Variants in SLC25A22 observed in about 807,000 individuals in gnomAD.
SLC25A22 encodes mitochondrial glutamate carrier 1.
SLC25A22 carries 23 observed loss-of-function variants against 33.7 expected under a neutral mutation model. The ratio of observed to expected loss-of-function variants is 0.68; its 90% CI spans 0.49 to 0.97. The LOEUF (loss-of-function observed/expected upper bound fraction) is 0.97. SLC25A22 is among the 50% of genes least tolerant of loss of function. The probability of loss-of-function intolerance (pLI) is 0.00; values close to 1 mark genes in which losing one functional copy is unlikely to be tolerated. For missense variants in SLC25A22, 390 were observed against 451.1 expected, an observed-to-expected ratio of 0.86 and a Z score of 1.23; for synonymous variants, 245 against 203.8, an observed-to-expected ratio of 1.20 and a Z score of -1.72.
intron 1 of SLC25A22, chr11:796,275 G>A (rs796452304): frequency 1.9e-4 from 29 of 151,856 alleles, no homozygotes; most frequent in African/African-American, 6.8e-4. Context: ...GGAGGCGAGG[G>A]GCCGCAGGGA....
chr11:795,410 C>T lies in SLC25A22; in HGVS notation c.-163-241G>A, dbSNP rs886152742. ...CAGCGTCTTCCCAGCCAGCCTCACA[C>T]GCCGCTCACGCTCGGGGCTCACGTG... On this transcript the variant is annotated intron_variant, in intron 1 of 9. Transcript: ENST00000628067. The T allele has an allele frequency of 4.4e-5, 16 of 361,078 alleles. 1 individual carries two copies. Among genetic ancestry groups the T allele is most frequent in the South Asian group, 1.1e-4 (5 of 46,772 alleles). The allele number at this position is 361,078 out of a possible 1,614,324, so 22.4% of individuals were successfully genotyped here. A position where few individuals can be genotyped will look rare whatever the true frequency, so the allele number is the denominator to read the frequency against.
rs774387008 is a variant in SLC25A22, at chr11:793,655, G to T, written c.203-36C>A. The stretch of plus-strand genomic sequence containing the variant: ...GGGGGTCAGCTGGGGGGACATGCTC[G>T]GTGGCCTGAGTGGGGAGGCGCTTGG... On this transcript the variant is annotated intron_variant, in intron 4 of 9. Coordinates refer to ENST00000628067, the MANE Select transcript of SLC25A22 (RefSeq NM_001191061.2). 1.8e-5 allele frequency: 27 copies of T among 1,495,276 alleles called. No homozygotes were observed. In the Admixed American group the frequency reaches 3.2e-4, roughly 18 times the overall value. The allele number at this position is 1,495,276 out of a possible 1,614,324, so 92.6% of individuals were successfully genotyped here.
chr11:794,692 G>A, intron 3 of SLC25A22, 84 bp downstream of exon 3: 1 of 1,547,786 alleles, frequency 6.5e-7, no homozygotes, highest in Non-Finnish European at 8.7e-7. Context: ...CTGTCAAACA[G>A]GGTGGGGGGC....
chr11:798,232 CG>C lies in SLC25A22; in HGVS notation c.-180del. Reference sequence around the variant, plus strand: ...AGACACTCACCACGCTCGCCGCCGCCGCCGCGCTCGCCTGCCCGCCCCGCGC... The same window carrying C: ...AGACACTCACCACGCTCGCCGCCGCCCCGCGCTCGCCTGCCCGCCCCGCGC... On this transcript the variant is annotated 5_prime_UTR_variant, in exon 1 of 10. Transcript: ENST00000628067. The C allele has an allele frequency of 2.5e-6, 1 of 394,228 alleles. No homozygotes were observed. Among genetic ancestry groups the C allele is most frequent in the Non-Finnish European group, 4.5e-6 (1 of 223,356 alleles). The allele number at this position is 394,228 out of a possible 1,614,324, so 24.4% of individuals were successfully genotyped here. A position where few individuals can be genotyped will look rare whatever the true frequency, so the allele number is the denominator to read the frequency against.
Position 794,901 on chromosome 11 carries a change from G to T in SLC25A22, c.21C>A (p.Ser7Arg). 1 of 1,565,142 alleles carries T rather than the reference G, an allele frequency of 6.4e-7. No individual in the cohort carries two copies. Among genetic ancestry groups the T allele is most frequent in the Non-Finnish European group, 8.7e-7 (1 of 1,154,810 alleles). The change falls in exon 3 of 10, where the codon AGC (serine) becomes AGA (arginine). Residue 7 changes from serine (S) to arginine (R), a missense_variant and splice_region_variant. Coordinates refer to ENST00000628067, the MANE Select transcript of SLC25A22 (RefSeq NM_001191061.2). Reference sequence around the variant, plus strand: ...CGCCATTGATGAGCTTGGCTGGCAGGCTGTGTGGACAGGGGTGTCAGGACC... The same window carrying T: ...CGCCATTGATGAGCTTGGCTGGCAGTCTGTGTGGACAGGGGTGTCAGGACC... MADKQISLPAKLINGGI... is the reference protein window; with the variant it reads MADKQIRLPAKLINGGI...
At position 792,228 on chromosome 11, in the gene SLC25A22, C is replaced by A. The variant is rs904213277; in HGVS notation, c.743-11G>T. 1.2e-6 allele frequency: 2 copies of A among 1,612,822 alleles called. No individual in the cohort carries two copies. Among genetic ancestry groups the A allele is most frequent in the Non-Finnish European group, 1.7e-6 (2 of 1,179,922 alleles). ...GCCGCGTCTTCACCACTGCAAGGGGCGCTCGGGTCAGTGTGAGCCTGGCCA... is the reference window on the plus strand; with the variant it reads ...GCCGCGTCTTCACCACTGCAAGGGGAGCTCGGGTCAGTGTGAGCCTGGCCA... On this transcript the variant is annotated splice_polypyrimidine_tract_variant and intron_variant, in intron 8 of 9. Transcript: ENST00000628067.
rs1864500994 is a variant in SLC25A22 at position 791,196 on chromosome 11, C to CACACACACGCATGCACACACACAT, written c.*695_*718dup. ...CAAGGGCCAGGCCAGATCCCCACAA[C>CACACACACGCATGCACACACACAT]ACACACACGCATGCACACACACATA... On this transcript the variant is annotated 3_prime_UTR_variant, in exon 10 of 10. Transcript: ENST00000628067. 1 of 152,924 alleles carries CACACACACGCATGCACACACACAT rather than the reference C, an allele frequency of 6.5e-6. No individual in the cohort carries two copies. The highest frequency in any genetic ancestry group is 1.4e-5 in the Non-Finnish European group (1 of 69,112). 9.5% of individuals were successfully genotyped at this position (152,924 alleles called of 1,614,324 possible).
chr11:797,228 C>T (rs554635259), intron 1 of SLC25A22, among the ~76,000 whole-genome samples: 1 of 152,300 alleles, frequency 6.6e-6, no homozygotes, highest in East Asian at 1.9e-4. Context: ...TGGGCCCGCA[C>T]GTCACCCAGT....
At chr11:796,574 C>T (rs998167893) in intron 1 of SLC25A22, among the ~76,000 whole-genome samples, 1 of 152,162 alleles carries the variant, frequency 6.6e-6, no homozygotes, top group Non-Finnish European at 1.5e-5. Flanking sequence ...TTCTCCGGGC[C>T]AGGGTACCCT....
In SLC25A22 at chr11:791,815, G is replaced by T. The variant is rs1435372823; in HGVS notation, c.*100C>A. On this transcript the variant is annotated 3_prime_UTR_variant, in exon 10 of 10. Transcript: ENST00000628067. ...CCCTGCTGCCCCTGCCGACGGGAGG[G>T]CTGGGGAGGGGTCTTCCCTTGCTCC... The T allele has an allele frequency of 1.4e-6, 2 of 1,447,868 alleles. No individual in the cohort carries two copies. Among genetic ancestry groups the T allele is most frequent in the Non-Finnish European group, 1.8e-6 (2 of 1,094,558 alleles). 89.7% of individuals were successfully genotyped at this position (1,447,868 alleles called of 1,614,324 possible). A position where few individuals can be genotyped will look rare whatever the true frequency, so the allele number is the denominator to read the frequency against.
chr11:792,488 G>C, intron 7 of SLC25A22, 30 bp from the exon 8 acceptor site: 1 of 1,612,890 alleles, frequency 6.2e-7, no homozygotes, highest in Non-Finnish European at 8.5e-7. Flanking sequence ...CGTGGGGACA[G>C]GAGGTGGTGG....
In SLC25A22 at chr11:791,084, A is replaced by T. The variant is rs1281329489; in HGVS notation, c.*831T>A. 2 of 152,418 alleles carry T rather than the reference A, an allele frequency of 1.3e-5. No individual in the cohort carries two copies. Among genetic ancestry groups the T allele is most frequent in the Non-Finnish European group, 2.9e-5 (2 of 68,306 alleles). 9.4% of individuals were successfully genotyped at this position (152,418 alleles called of 1,614,324 possible). ...CCAAGCTGGGTAAGTTAGTTCCTGG[A>T]CGGGGTCAACAGAGCCTGGGGCACA... On this transcript the variant is annotated 3_prime_UTR_variant, in exon 10 of 10. Transcript: ENST00000628067.
At chr11:795,337 C>A (rs1169672868) in intron 1 of SLC25A22, 168 bp from the exon 2 acceptor site, 7 of 494,790 alleles carry the variant, frequency 1.4e-5, no homozygotes, top group Non-Finnish European at 2.6e-5. Flanking sequence ...GTCCCATGCT[C>A]ACCCCTGGGA....
At chr11:797,098 G>C (rs566339010) in intron 1 of SLC25A22, among the ~76,000 whole-genome samples, 1 of 152,308 alleles carries the variant, frequency 6.6e-6, no homozygotes, top group Admixed American at 6.5e-5. Context: ...TCTCCAGTCT[G>C]GGATGAGGAC....
Position 795,373 on chromosome 11 carries a change from C to T in SLC25A22, c.-163-204G>A, listed in dbSNP as rs1203044557. ...CCACCTGGCTTCCTTTCAGTCCCCCCCTCCCCACCGCCAGCGTCTTCCCAG... is the reference window on the plus strand; with the variant it reads ...CCACCTGGCTTCCTTTCAGTCCCCCTCTCCCCACCGCCAGCGTCTTCCCAG... On this transcript the variant is annotated intron_variant, in intron 1 of 9. Transcript: ENST00000628067. The T allele has an allele frequency of 4.7e-5, 11 of 234,684 alleles. 1 individual carries two copies. The highest frequency in any genetic ancestry group is 3.0e-4 in the South Asian group (9 of 29,728). The allele number at this position is 234,684 out of a possible 1,614,324, so 14.5% of individuals were successfully genotyped here. A position where few individuals can be genotyped will look rare whatever the true frequency, so the allele number is the denominator to read the frequency against.
At position 795,171 on chromosome 11, in the gene SLC25A22, T is replaced by C; in HGVS notation, c.-163-2A>G. 3 of 831,358 alleles carry C rather than the reference T, an allele frequency of 3.6e-6. No individual in the cohort carries two copies. The highest frequency in any genetic ancestry group is 5.9e-6 in the Non-Finnish European group (3 of 506,816). 51.5% of individuals were successfully genotyped at this position (831,358 alleles called of 1,614,324 possible). A position where few individuals can be genotyped will look rare whatever the true frequency, so the allele number is the denominator to read the frequency against. On this transcript the variant is annotated splice_acceptor_variant, in intron 1 of 9. Coordinates refer to ENST00000628067, the MANE Select transcript of SLC25A22 (RefSeq NM_001191061.2). LOFTEE classifies it low-confidence loss of function (5UTR_SPLICE). ...GCGTCAGCAACCGCCACTTCTGTCCTAGAAGGATGAGGGAATGGGAATGAG... is the reference window on the plus strand; with the variant it reads ...GCGTCAGCAACCGCCACTTCTGTCCCAGAAGGATGAGGGAATGGGAATGAG...
chr11:792,225 G>A lies in SLC25A22; in HGVS notation c.743-8C>T, dbSNP rs1864562123. The A allele has an allele frequency of 1.2e-6, 2 of 1,612,952 alleles. No homozygotes were observed. Among genetic ancestry groups the A allele is most frequent in the African/African-American group, 1.3e-5 (1 of 75,024 alleles). ...GGAGCCGCGTCTTCACCACTGCAAG[G>A]GGCGCTCGGGTCAGTGTGAGCCTGG... is the stretch of plus-strand genomic sequence containing the variant. On this transcript the variant is annotated splice_region_variant and splice_polypyrimidine_tract_variant and intron_variant, in intron 8 of 9. Coordinates refer to ENST00000628067, the MANE Select transcript of SLC25A22 (RefSeq NM_001191061.2).
intron 7 of SLC25A22, 23 bp downstream of exon 7, chr11:792,530 C>G: frequency 6.2e-7 from 1 of 1,612,468 alleles, no homozygotes; most frequent in Non-Finnish European, 8.5e-7. Context: ...CTTCCCTCCC[C>G]CCACCTGCCC....
In SLC25A22 at chr11:793,638, G is replaced by A. The variant is rs755909870; in HGVS notation, c.203-19C>T. The A allele has an allele frequency of 1.1e-5, 18 of 1,578,928 alleles. No individual in the cohort carries two copies. Among genetic ancestry groups the A allele is most frequent in the Non-Finnish European group, 1.6e-5 (18 of 1,157,042 alleles). ...GCAGCTCCTGTGGGGCAGGGGGTCA[G>A]CTGGGGGGACATGCTCGGTGGCCTG... is the stretch of plus-strand genomic sequence containing the variant. On this transcript the variant is annotated intron_variant, in intron 4 of 9. Transcript: ENST00000628067.
Sources: allele counts gnomAD v4.1 joint callset (sites outside exome capture counted in the v4.1 genomes callset), GRCh38; gene constraint gnomAD v4.1.1; transcripts MANE v1.5; gene names NCBI Gene and HGNC (gene_info 2026-07-23, HGNC 2026-07-21).